Variants in NLGN1 observed in about 807,000 individuals in gnomAD.
NLGN1 encodes the protein neuroligin-1.
A neutral mutation model predicts 65.5 loss-of-function variants in NLGN1; 12 were observed. That is an observed-to-expected ratio of 0.18 (90% CI 0.12 to 0.30). The LOEUF (loss-of-function observed/expected upper bound fraction) is 0.30, where lower values mean the gene tolerates loss of function less well. NLGN1 is among the 10% of genes least tolerant of loss of function. The probability of loss-of-function intolerance (pLI) is 1.00; values close to 1 mark genes in which losing one functional copy is unlikely to be tolerated. For missense variants in NLGN1, 750 were observed against 1,007.1 expected, an observed-to-expected ratio of 0.74 and a Z score of 3.46; for synonymous variants, 350 against 359.5, an observed-to-expected ratio of 0.97 and a Z score of 0.30.
At chr3:174,085,329 T>C (rs1283621607) in intron 4 of NLGN1, among the ~76,000 whole-genome samples, 1 of 152,062 alleles carries the variant, frequency 6.6e-6, no homozygotes, top group Non-Finnish European at 1.5e-5. Context: ...TTCAATTGCA[T>C]TTACTGAATT....
chr3:173,833,444 TA>T (rs746085665), intron 4 of NLGN1, among the ~76,000 whole-genome samples: 10 of 152,210 alleles, frequency 6.6e-5, no homozygotes, highest in Admixed American at 2.0e-4. Context: ...AAATCTGTAC[TA>T]AAAAAAATTA....
chr3:174,007,290 G>A (rs556112033), intron 4 of NLGN1, among the ~76,000 whole-genome samples: 3 of 152,316 alleles, frequency 2.0e-5, no homozygotes, highest in African/African-American at 7.2e-5. Context: ...CATCCAGTCT[G>A]TGCTGTGGTA....
intron 2 of NLGN1, among the ~76,000 whole-genome samples, chr3:173,522,703 G>A (rs574565287): frequency 1.1e-3 from 163 of 152,214 alleles, no homozygotes; most frequent in African/African-American, 3.7e-3. Context: ...AAAGTGCTGC[G>A]ATTACAGGTG....
At chr3:173,958,633 G>A (rs184196339) in intron 4 of NLGN1, among the ~76,000 whole-genome samples, 2 of 152,248 alleles carry the variant, frequency 1.3e-5, no homozygotes, top group Admixed American at 1.3e-4. Flanking sequence ...AAAAAGCACT[G>A]TAAGTTCCCA....
intron 2 of NLGN1, among the ~76,000 whole-genome samples, chr3:173,557,293 G>C (rs1038739366): frequency 1.5e-4 from 23 of 151,850 alleles, no homozygotes; most frequent in Non-Finnish European, 1.6e-4. Flanking sequence ...TTGTAATTAG[G>C]GTTTGTATGG....
At chr3:173,788,834 A>T (rs1466546699) in intron 3 of NLGN1, among the ~76,000 whole-genome samples, 3 of 4,872 alleles carry the variant, frequency 6.2e-4, no homozygotes, top group Non-Finnish European at 1.7e-3. Flanking sequence ...GACCTCATTT[A>T]AAAAAAAAAA....
chr3:173,588,683 C>T (rs6776704), intron 2 of NLGN1, among the ~76,000 whole-genome samples: 36 of 152,140 alleles, frequency 2.4e-4, no homozygotes, highest in Admixed American at 2.2e-3. Context: ...AATGGCAAAG[C>T]GCTTCACTGC....
intron 3 of NLGN1, among the ~76,000 whole-genome samples, chr3:173,612,592 T>C (rs1405533258): frequency 6.6e-6 from 1 of 152,094 alleles, no homozygotes; most frequent in Non-Finnish European, 1.5e-5. Context: ...CATCCCCATG[T>C]CTTCATGCGG....
intron 2 of NLGN1, among the ~76,000 whole-genome samples, chr3:173,543,498 TC>T (rs1739243136): frequency 1.3e-5 from 2 of 152,100 alleles, no homozygotes; most frequent in South Asian, 4.1e-4. Context: ...TGAGTAATTG[TC>T]TTGAGGATTT....
At chr3:173,775,467 A>T (rs1780170916) in intron 3 of NLGN1, among the ~76,000 whole-genome samples, 1 of 151,252 alleles carries the variant, frequency 6.6e-6, no homozygotes, top group African/African-American at 2.4e-5. Flanking sequence ...AACCTTTCTG[A>T]TGCTTTTTTT....
intron 2 of NLGN1, among the ~76,000 whole-genome samples, chr3:173,441,285 C>A (rs1306272333): frequency 3.3e-5 from 5 of 152,168 alleles, no homozygotes; most frequent in South Asian, 2.1e-4. Flanking sequence ...TTTTTGTGTT[C>A]AGTGGAGTCA....
chr3:173,698,688 A>G (rs995842841), intron 3 of NLGN1, among the ~76,000 whole-genome samples: 39 of 152,358 alleles, frequency 2.6e-4, no homozygotes, highest in African/African-American at 9.1e-4. Context: ...TCTGTTGTCC[A>G]TACATACACA....
At chr3:173,588,022 A>G (rs1309132075) in intron 2 of NLGN1, among the ~76,000 whole-genome samples, 1 of 152,210 alleles carries the variant, frequency 6.6e-6, no homozygotes, top group Non-Finnish European at 1.5e-5. Flanking sequence ...ACTTGTTGAA[A>G]TTTAACACAT....
intron 4 of NLGN1, among the ~76,000 whole-genome samples, chr3:173,863,630 C>G (rs777181378): frequency 8.5e-5 from 13 of 152,162 alleles, no homozygotes; most frequent in South Asian, 2.1e-4. Flanking sequence ...TGCACATGGA[C>G]TAACTTGATG....
chr3:173,438,157 T>A (rs183236717), intron 2 of NLGN1, among the ~76,000 whole-genome samples: 150 of 152,012 alleles, frequency 9.9e-4, no homozygotes, highest in Middle Eastern at 3.4e-3. Flanking sequence ...ATGGTTTGGT[T>A]ATTTTGACAT....
intron 2 of NLGN1, among the ~76,000 whole-genome samples, chr3:173,463,837 C>A (rs2148897796): frequency 6.6e-6 from 1 of 152,206 alleles, no homozygotes; most frequent in African/African-American, 2.4e-5. Flanking sequence ...CAGCTCTTCT[C>A]ACTAAATGAT....
intron 4 of NLGN1, among the ~76,000 whole-genome samples, chr3:173,942,118 GTGTGTGTGTGTGTGTGTGTGTGTA>G (rs1560687984): frequency 2.1e-5 from 3 of 140,426 alleles, no homozygotes; most frequent in Non-Finnish European, 3.2e-5. Flanking sequence ...GGGTGTGTGT[GTGTGTGTGTGTGTGTGTGTGTGTA>G]TGTGTGTGTG....
chr3:173,558,316 A>G (rs982006363), intron 2 of NLGN1, among the ~76,000 whole-genome samples: 18 of 151,988 alleles, frequency 1.2e-4, no homozygotes, highest in African/African-American at 4.3e-4. Flanking sequence ...TGTTCATCCT[A>G]CTGTGGTTTG....
intron 4 of NLGN1, among the ~76,000 whole-genome samples, chr3:174,139,297 C>G (rs1179892081): frequency 6.6e-6 from 1 of 152,130 alleles, no homozygotes; most frequent in Non-Finnish European, 1.5e-5. Flanking sequence ...CCCTGGCAAT[C>G]ACTGACCTTT....
Sources: gnomAD v4.1 joint callset for allele counts (sites outside exome capture counted in the v4.1 genomes callset) on GRCh38, gnomAD v4.1.1 for gene constraint, MANE v1.5 for transcripts, NCBI Gene and HGNC (gene_info 2026-07-23, HGNC 2026-07-21) for gene names.